Variants in NCKAP5 observed in about 807,000 individuals in gnomAD.
NCKAP5 encodes nck-associated protein 5.
In NCKAP5, 92 loss-of-function variants were observed where a neutral mutation model predicts 167.0. The observed-to-expected ratio is 0.55, with a 90% CI of 0.47 to 0.66. The LOEUF (loss-of-function observed/expected upper bound fraction) is 0.66, where lower values mean the gene tolerates loss of function less well. Among genes scored for constraint, NCKAP5 ranks in the 30% least tolerant of loss-of-function variants. The probability of loss-of-function intolerance (pLI) is 0.00; values close to 1 mark genes in which losing one functional copy is unlikely to be tolerated. For synonymous variants in NCKAP5, 891 were observed against 877.4 expected, an observed-to-expected ratio of 1.02 and a Z score of -0.27; for missense variants, 2,378 against 2,315.0, an observed-to-expected ratio of 1.03 and a Z score of -0.56.
chr2:133,130,183 A>C, intron 5 of NCKAP5, 72 bp from the exon 6 acceptor site: 1 of 1,496,942 alleles, frequency 6.7e-7, no homozygotes, highest in Non-Finnish European at 9.0e-7. Context: ...CTGGTTATCA[A>C]GTGATAACTT....
rs749566136 is a variant in NCKAP5 at position 132,784,485 on chromosome 2, G to A, written c.2326C>T (p.Pro776Ser). The A allele has an allele frequency of 8.2e-6, 13 of 1,580,432 alleles. No homozygotes were observed. Among genetic ancestry groups the A allele is most frequent in the Admixed American group, 1.8e-5 (1 of 55,792 alleles). The change falls in exon 14 of 20, where the codon CCA (proline) becomes TCA (serine). Residue 776 changes from proline (P) to serine (S), a missense_variant. By Grantham distance (74) the Pro-to-Ser change is moderately conservative. This residue lies in a region of NCKAP5 where 1,049 missense variants were observed against 1,023.4 expected (regional missense o/e 1.02). Coordinates refer to ENST00000409261, the MANE Select transcript of NCKAP5 (RefSeq NM_207363.3). ...QNPQQQKLVK[P>S]THNISCQSNS... ...CTCTGGCATGATATATTGTGTGTTG[G>A]TTTGACCAGCTTTTGCTGCTGAGGA...
chr2:133,383,113 T>C (rs1210505219), intron 3 of NCKAP5, among the ~76,000 whole-genome samples: 1 of 152,116 alleles, frequency 6.6e-6, no homozygotes, highest in Non-Finnish European at 1.5e-5. Flanking sequence ...ATGTGCACAG[T>C]GTGCAGGTTT....
At chr2:133,303,495 T>A (rs1458433558) in intron 3 of NCKAP5, among the ~76,000 whole-genome samples, 1 of 152,212 alleles carries the variant, frequency 6.6e-6, no homozygotes, top group Non-Finnish European at 1.5e-5. Flanking sequence ...ATGACAGTCA[T>A]GTTCCAGCAA....
intron 8 of NCKAP5, among the ~76,000 whole-genome samples, chr2:132,949,317 A>T (rs1010243921): frequency 8.5e-5 from 13 of 152,136 alleles, no homozygotes; most frequent in Non-Finnish European, 1.6e-4. Flanking sequence ...GAGACAGTGA[A>T]CAACTCACTC....
chr2:133,401,135 C>T (rs972275485), intron 3 of NCKAP5, among the ~76,000 whole-genome samples: 1 of 152,134 alleles, frequency 6.6e-6, no homozygotes, highest in East Asian at 1.9e-4. Context: ...TCAATCACGT[C>T]TATGTAACAG....
chr2:133,101,978 T>G (rs1303758482), intron 6 of NCKAP5, among the ~76,000 whole-genome samples: 1 of 151,962 alleles, frequency 6.6e-6, no homozygotes, highest in Non-Finnish European at 1.5e-5. Context: ...TTGTGAAAAT[T>G]TGGGAGAAAA....
At chr2:133,597,692 A>T in the NCKAP5 span, among the ~76,000 whole-genome samples, 9 of 151,160 alleles carry the variant, frequency 6.0e-5, no homozygotes, top group African/African-American at 2.2e-4. Flanking sequence ...AAAAAAAAAA[A>T]AAAAAAGAAG....
At chr2:132,721,898 A>G (rs1021391380) in intron 19 of NCKAP5, among the ~76,000 whole-genome samples, 1 of 152,064 alleles carries the variant, frequency 6.6e-6, no homozygotes, top group Non-Finnish European at 1.5e-5. Flanking sequence ...TGCTTCTAGG[A>G]CCTCACCACC....
At chr2:133,267,880 AT>A (rs1448264246) in intron 4 of NCKAP5, among the ~76,000 whole-genome samples, 2 of 152,206 alleles carry the variant, frequency 1.3e-5, no homozygotes, top group Admixed American at 1.3e-4. Flanking sequence ...TCTCAAAAAA[AT>A]GTTTTCAAGT....
intron 8 of NCKAP5, among the ~76,000 whole-genome samples, chr2:132,946,114 G>A (rs13012637): frequency 0.11 from 16,571 of 152,262 alleles, 1,097 homozygotes; most frequent in Middle Eastern, 0.19. Flanking sequence ...AAGTGAAATG[G>A]AAGAATTATA....
At chr2:133,052,717 AC>A (rs1381647073) in intron 6 of NCKAP5, among the ~76,000 whole-genome samples, 1 of 149,564 alleles carries the variant, frequency 6.7e-6, no homozygotes, top group African/African-American at 2.5e-5. Flanking sequence ...AAACTCTGTC[AC>A]AAAAAAAAAA....
At chr2:133,146,370 G>A (rs2083197737) in intron 5 of NCKAP5, among the ~76,000 whole-genome samples, 1 of 152,042 alleles carries the variant, frequency 6.6e-6, no homozygotes, top group Non-Finnish European at 1.5e-5. Flanking sequence ...GGTATAACAT[G>A]TAAACGATGA....
chr2:133,363,430 T>A (rs1175745661), intron 3 of NCKAP5, among the ~76,000 whole-genome samples: 1 of 152,188 alleles, frequency 6.6e-6, no homozygotes, highest in African/African-American at 2.4e-5. Flanking sequence ...ATATTTACTA[T>A]CAGCCTATTT....
At chr2:133,395,403 G>C (rs1332117675) in intron 3 of NCKAP5, among the ~76,000 whole-genome samples, 1 of 152,162 alleles carries the variant, frequency 6.6e-6, no homozygotes, top group Admixed American at 6.6e-5. Flanking sequence ...GTCAGAACAG[G>C]TAAGACCAGA....
chr2:132,702,372 C>G (rs550742530), intron 19 of NCKAP5, among the ~76,000 whole-genome samples: 3 of 151,976 alleles, frequency 2.0e-5, no homozygotes, highest in Non-Finnish European at 4.4e-5. Flanking sequence ...CCTCAGGGAC[C>G]AGGGAAGATA....
intron 11 of NCKAP5, among the ~76,000 whole-genome samples, chr2:132,798,863 A>G (rs1268708720): frequency 6.6e-6 from 1 of 152,166 alleles, no homozygotes; most frequent in African/African-American, 2.4e-5. Flanking sequence ...GGAAAAACTT[A>G]AACCAGAGCT....
At chr2:133,642,183 A>C in the NCKAP5 span, among the ~76,000 whole-genome samples, 126 of 152,258 alleles carry the variant, frequency 8.3e-4, no homozygotes, top group African/African-American at 2.9e-3. Context: ...TGAGCGAATG[A>C]ATCTATTCCC....
intron 13 of NCKAP5, among the ~76,000 whole-genome samples, chr2:132,789,256 ATCTGTCCAG>A (rs1683852255): frequency 1.3e-5 from 2 of 152,180 alleles, no homozygotes; most frequent in African/African-American, 4.8e-5. Flanking sequence ...ATCCCTGACC[ATCTGTCCAG>A]TCTGTTCCAA....
chr2:133,311,893 T>C (rs1681259806), intron 3 of NCKAP5, among the ~76,000 whole-genome samples: 1 of 152,222 alleles, frequency 6.6e-6, no homozygotes, highest in Non-Finnish European at 1.5e-5. Context: ...TACTTTTTAC[T>C]CATGATTTTA....
Sources: gnomAD v4.1 joint callset for allele counts (sites outside exome capture counted in the v4.1 genomes callset) on GRCh38, gnomAD v4.1.1 for gene constraint, gnomAD v4.1.1 regional missense constraint, MANE v1.5 for transcripts, NCBI Gene and HGNC (gene_info 2026-07-23, HGNC 2026-07-21) for gene names.